ASIC2: variants seen among roughly 807,000 people sequenced by gnomAD.
The protein encoded by ASIC2 is acid sensing ion channel subunit 2, also known as acid-sensing ion channel 2.
ASIC2 carries 25 observed loss-of-function variants against 57.3 expected under a neutral mutation model. That is an observed-to-expected ratio of 0.44 (90% CI 0.32 to 0.61). The LOEUF (loss-of-function observed/expected upper bound fraction) is 0.61. Among genes scored for constraint, ASIC2 ranks in the 20% least tolerant of loss-of-function variants. The probability of loss-of-function intolerance (pLI) is 0.06; values close to 1 mark genes in which losing one functional copy is unlikely to be tolerated. For missense variants in ASIC2, 641 were observed against 738.1 expected (o/e 0.87, Z 1.52); for synonymous variants, 319 against 307.5 (o/e 1.04, Z -0.39).
intron 2 of ASIC2, among the ~76,000 whole-genome samples, chr17:33,095,714 A>G (rs908585210): frequency 4.6e-5 from 7 of 152,172 alleles, no homozygotes; most frequent in African/African-American, 1.7e-4. Context: ...TGACAAGTGC[A>G]TGGGGGCTGG....
At chr17:33,052,379 T>C (rs761638315) in intron 3 of ASIC2, 1 of 152,254 alleles carries the variant, frequency 6.6e-6, no homozygotes, top group Non-Finnish European at 1.5e-5. Context: ...AATCAGCTTA[T>C]AAGTCTTCTT....
chr17:33,352,884 T>C (rs968826585), intron 1 of ASIC2, among the ~76,000 whole-genome samples: 1 of 152,122 alleles, frequency 6.6e-6, no homozygotes, highest in African/African-American at 2.4e-5. Context: ...CTCTTTCCCA[T>C]GGTCTGTTGG....
At chr17:33,017,042 G>A (rs544810813) in intron 8 of ASIC2, among the ~76,000 whole-genome samples, 1 of 152,328 alleles carries the variant, frequency 6.6e-6, no homozygotes, top group South Asian at 2.1e-4. Context: ...TGCCTCTTGA[G>A]GGAGACATTT....
chr17:33,992,700 C>T (rs1313803816), intron 1 of ASIC2, among the ~76,000 whole-genome samples: 9 of 152,146 alleles, frequency 5.9e-5, no homozygotes, highest in African/African-American at 7.2e-5. Context: ...ACAGAGAAAT[C>T]GGCAAACACT....
intron 1 of ASIC2, among the ~76,000 whole-genome samples, chr17:33,469,261 G>T (rs1206104765): frequency 6.6e-6 from 1 of 152,198 alleles, no homozygotes; most frequent in Non-Finnish European, 1.5e-5. Context: ...GGTGGACAAA[G>T]CCCAGTGTGT....
At chr17:33,621,660 C>T (rs763886540) in intron 1 of ASIC2, among the ~76,000 whole-genome samples, 2 of 152,134 alleles carry the variant, frequency 1.3e-5, no homozygotes, top group Non-Finnish European at 2.9e-5. Flanking sequence ...GTCAGTGTGT[C>T]GGAATCAGGA....
intron 1 of ASIC2, among the ~76,000 whole-genome samples, chr17:33,515,516 A>G (rs1332811664): frequency 6.6e-6 from 1 of 152,220 alleles, no homozygotes; most frequent in African/African-American, 2.4e-5. Flanking sequence ...CACGTGTTCT[A>G]GTAGGAATAA....
intron 1 of ASIC2, among the ~76,000 whole-genome samples, chr17:33,525,678 C>A (rs2141957629): frequency 6.6e-6 from 1 of 152,338 alleles, no homozygotes; most frequent in Admixed American, 6.5e-5. Context: ...CCAGCTCCCA[C>A]AATAGCAGAA....
intron 1 of ASIC2, among the ~76,000 whole-genome samples, chr17:33,907,299 G>C (rs1371431048): frequency 1.3e-5 from 2 of 152,210 alleles, no homozygotes; most frequent in Non-Finnish European, 2.9e-5. Flanking sequence ...CCCCTGATGG[G>C]AGTGGGATGT....
Position 33,310,641 on chromosome 17 carries a change from C to T in ASIC2, c.556-198574G>A, listed in dbSNP as rs189349730. Among the ~76,000 whole-genome samples, 34 of 152,272 alleles carry T rather than the reference C, an allele frequency of 2.2e-4. No individual in the cohort carries two copies. In the East Asian group the frequency reaches 6.6e-3, roughly 29 times the overall value. On this transcript the variant is annotated intron_variant, in intron 1 of 9. Coordinates refer to the ASIC2 transcript ENST00000359872. The stretch of plus-strand genomic sequence containing the variant: ...GACTGTGCAAGGGTTTGATCCTTAC[C>T]TTGTATCTTCTGCTGTTCTCTCTTT...
chr17:34,051,668 G>C (rs1439905866), intron 1 of ASIC2: 2 of 152,122 alleles, frequency 1.3e-5, no homozygotes, highest in Admixed American at 1.3e-4. Context: ...GTGCATTCTT[G>C]TTAGATTAAT....
chr17:33,497,605 T>C (rs796885300), intron 1 of ASIC2, among the ~76,000 whole-genome samples: 36 of 152,298 alleles, frequency 2.4e-4, no homozygotes, highest in African/African-American at 7.9e-4. Context: ...CCTGCTTCCC[T>C]TCTCCTGAGG....
intron 1 of ASIC2, among the ~76,000 whole-genome samples, chr17:33,683,895 A>G (rs1049474016): frequency 2.0e-5 from 3 of 152,164 alleles, no homozygotes; most frequent in African/African-American, 4.8e-5. Flanking sequence ...GACTCTACCA[A>G]TTACATCTGT....
At chr17:33,515,450 G>A (rs1914536727) in intron 1 of ASIC2, among the ~76,000 whole-genome samples, 2 of 152,214 alleles carry the variant, frequency 1.3e-5, no homozygotes. Context: ...TCAGGCCCAT[G>A]GGTTGAACCT....
chr17:33,017,492 G>T, intron 8 of ASIC2, 113 bp downstream of exon 8: 3 of 828,586 alleles, frequency 3.6e-6, no homozygotes, highest in Non-Finnish European at 3.8e-6. Context: ...AGGAGGGGAA[G>T]CAGGCTCTGC....
intron 1 of ASIC2, among the ~76,000 whole-genome samples, chr17:34,017,072 T>C (rs1173962974): frequency 6.6e-6 from 1 of 152,264 alleles, no homozygotes; most frequent in Non-Finnish European, 1.5e-5. Flanking sequence ...TCACAGATAC[T>C]GTGTTTTTTA....
intron 1 of ASIC2, among the ~76,000 whole-genome samples, chr17:33,539,059 C>T (rs919527267): frequency 3.9e-5 from 6 of 152,164 alleles, no homozygotes; most frequent in Non-Finnish European, 5.9e-5. Flanking sequence ...GGAACACAAT[C>T]GCCTCTGATG....
At chr17:33,076,143 T>A (rs957535407) in intron 3 of ASIC2, among the ~76,000 whole-genome samples, 53 of 151,016 alleles carry the variant, frequency 3.5e-4, no homozygotes, top group East Asian at 1.9e-3. Context: ...CCAGGTAATT[T>A]AAAAAAAAAA....
chr17:33,285,904 GTCCT>G (rs1323837061), intron 1 of ASIC2, among the ~76,000 whole-genome samples: 1 of 152,178 alleles, frequency 6.6e-6, no homozygotes, highest in Non-Finnish European at 1.5e-5. Context: ...ATTTGCCTTT[GTCCT>G]TCACTCAAAA....
Sources: allele counts gnomAD v4.1 joint callset (sites outside exome capture counted in the v4.1 genomes callset), GRCh38; gene constraint gnomAD v4.1.1; transcripts MANE v1.5; gene names NCBI Gene and HGNC (gene_info 2026-07-23, HGNC 2026-07-21).